The following CBX1 variants were observed in gnomAD, a reference collection of about 807,000 sequenced individuals.
CBX1 encodes chromobox 1, also known as chromobox protein homolog 1.
A neutral mutation model predicts 25.1 loss-of-function variants in CBX1; 10 were observed. That is an observed-to-expected ratio of 0.40 (90% CI 0.25 to 0.68). The LOEUF is 0.68. Ranked by LOEUF, CBX1 falls within the 30% of genes least tolerant of loss-of-function variation. The pLI is 0.40. For synonymous variants in CBX1, 63 were observed against 79.4 expected (o/e 0.79, Z 1.10); for missense variants, 106 against 218.5 (o/e 0.49, Z 3.25).
At chr17:48,091,173 G>A (rs7215582) in intron 1 of CBX1, among the ~76,000 whole-genome samples, 34,520 of 152,164 alleles carry the variant, frequency 0.23, 4,204 homozygotes, top group South Asian at 0.33. Context: ...AAAGAAACAT[G>A]GCCAGGTGGA....
intron 1 of CBX1, among the ~76,000 whole-genome samples, chr17:48,081,274 A>C (rs2037735666): frequency 6.6e-6 from 1 of 151,924 alleles, no homozygotes; most frequent in African/African-American, 2.4e-5. Flanking sequence ...CGAAAGGGTC[A>C]GCATAGCTTC....
chr17:48,074,231 T>C (rs1464103797), intron 4 of CBX1, among the ~76,000 whole-genome samples: 1 of 152,194 alleles, frequency 6.6e-6, no homozygotes, highest in Non-Finnish European at 1.5e-5. Context: ...TGTGTGTGTG[T>C]GTGTGTGTTT....
chr17:48,084,803 G>C (rs1320188399), intron 1 of CBX1, among the ~76,000 whole-genome samples: 1 of 149,878 alleles, frequency 6.7e-6, no homozygotes, highest in Non-Finnish European at 1.5e-5. Flanking sequence ...CCAGCTACTT[G>C]GGAGGCTGAG....
chr17:48,100,054 G>GC (rs1452200903), intron 1 of CBX1, among the ~76,000 whole-genome samples: 2 of 150,498 alleles, frequency 1.3e-5, no homozygotes, highest in Non-Finnish European at 3.0e-5. Context: ...CAAGAGAATC[G>GC]CATGAATCCG....
chr17:48,071,618 C>T, intron 4 of CBX1, 39 bp from the exon 5 acceptor site: 1 of 1,557,106 alleles, frequency 6.4e-7, no homozygotes, highest in Non-Finnish European at 8.7e-7. Context: ...AGACCAGGTG[C>T]TGGTGGTCTA....
intron 1 of CBX1, among the ~76,000 whole-genome samples, chr17:48,080,831 G>C (rs2037723066): frequency 7.0e-6 from 1 of 142,728 alleles, no homozygotes; most frequent in South Asian, 2.4e-4. Context: ...TGAGGCAGGA[G>C]AATTGCTTGA....
intron 1 of CBX1, among the ~76,000 whole-genome samples, chr17:48,094,623 A>T (rs1429314754): frequency 6.6e-6 from 1 of 151,580 alleles, no homozygotes; most frequent in Non-Finnish European, 1.5e-5. Flanking sequence ...CCAGCTACTC[A>T]AGAAGCTGAG....
intron 4 of CBX1, 24 bp from the exon 5 acceptor site, chr17:48,071,603 C>T (rs2037625336): frequency 6.4e-7 from 1 of 1,573,260 alleles, no homozygotes; most frequent in African/African-American, 1.4e-5. Context: ...CAAAGAGAGA[C>T]TTTGAGACCA....
At chr17:48,080,954 ATATATATATATATATATATATATATAT>A (rs2037730593) in intron 1 of CBX1, among the ~76,000 whole-genome samples, 1 of 18,526 alleles carries the variant, frequency 5.4e-5, no homozygotes, top group Admixed American at 7.3e-4. Context: ...AAAAAAAAAT[ATATATATATATATATATATATATATAT>A]ATATATATAT....
chr17:48,077,432 T>TG (rs1567764315), intron 1 of CBX1, among the ~76,000 whole-genome samples: 1 of 80,694 alleles, frequency 1.2e-5, no homozygotes, highest in African/African-American at 5.6e-5. Context: ...TAATTTTTGT[T>TG]GTTTTTTTTT....
chr17:48,098,819 G>T lies in CBX1; in HGVS notation c.-38+2449C>A, dbSNP rs190900571. On this transcript the variant is annotated intron_variant, in intron 1 of 4. Coordinates refer to ENST00000225603, the MANE Select transcript of CBX1 (RefSeq NM_001127228.2). ...ATGCAAAATCTCTTACACCACTGCA[G>T]ATAGGATTTTTTTTTAAAAAAGGGA... Among the ~76,000 whole-genome samples the T allele has an allele frequency of 6.0e-3, 917 of 152,300 alleles. 4 individuals are homozygous for T. Among genetic ancestry groups the T allele is most frequent in the Admixed American group, 8.9e-3 (136 of 15,286 alleles).
rs1352368522 is a variant in CBX1 at position 48,101,265 on chromosome 17, C to T, written c.-38+3G>A. ...GCTCTCCCGCCTCCAGCGGGCTCCT[C>T]ACCTCAGAGCAGCGCCCAAGAGCCC... On this transcript the variant is annotated splice_donor_region_variant and intron_variant, in intron 1 of 4. Transcript: ENST00000225603. 1.0e-6 allele frequency: 1 copy of T among 986,934 alleles called. No homozygotes were observed. The highest frequency in any genetic ancestry group is 1.1e-4 in the East Asian group (1 of 8,838). 61.1% of individuals were successfully genotyped at this position (986,934 alleles called of 1,614,324 possible).
intron 1 of CBX1, 97 bp downstream of exon 1, chr17:48,101,171 C>T (rs553896579): frequency 7.6e-5 from 75 of 987,350 alleles, no homozygotes; most frequent in Non-Finnish European, 8.2e-5. Flanking sequence ...CCGCTCCTAA[C>T]CTCCGCCTCG....
At position 48,076,110 on chromosome 17, in the gene CBX1, G is replaced by A. The variant is rs779462460; in HGVS notation, c.209C>T (p.Ser70Leu). 3.7e-6 allele frequency: 6 copies of A among 1,612,242 alleles called. No homozygotes were observed. The Admixed American group carries it at 6.7e-5, about 18-fold the overall frequency. The change falls in exon 3 of 5, where the codon TCA becomes TTA. Residue 70 changes from serine (S) to leucine (L), a missense_variant. This residue lies in a region of CBX1 where 71 missense variants were observed against 144.1 expected (regional missense o/e 0.49). Coordinates refer to ENST00000225603, the MANE Select transcript of CBX1 (RefSeq NM_001127228.2). ...CPDLIAEFLQSQKTAHETDKS... is the reference protein window; with the variant it reads ...CPDLIAEFLQLQKTAHETDKS... The stretch of plus-strand genomic sequence containing the variant: ...ATCTGTCTCATGTGCTGTTTTCTGT[G>A]ACTGCAGAAACTCAGCAATGAGGTC...
chr17:48,084,202 CTTTTTTTTTTTTT>C lies in CBX1; in HGVS notation c.-37-7174_-37-7162del, dbSNP rs869263376. On this transcript the variant is annotated intron_variant, in intron 1 of 4. Transcript: ENST00000225603. Reference sequence around the variant, plus strand: ...TGTTGTTCAGGCTTCTCTTTCTTTCCTTTTTTTTTTTTTTTTTTTTTTTTTTTGAGACGGAGTC... The same window carrying C: ...TGTTGTTCAGGCTTCTCTTTCTTTCCTTTTTTTTTTTTTTGAGACGGAGTC... Among the ~76,000 whole-genome samples, 593 of 61,448 alleles carry C rather than the reference CTTTTTTTTTTTTT, an allele frequency of 9.7e-3. 5 individuals carry two copies. Among genetic ancestry groups the C allele is most frequent in the Non-Finnish European group, 0.013 (474 of 37,774 alleles). The allele number at this position is 61,448 out of a possible 152,430, so 40.3% of individuals were successfully genotyped here. A position where few individuals can be genotyped will look rare whatever the true frequency, so the allele number is the denominator to read the frequency against.
intron 1 of CBX1, among the ~76,000 whole-genome samples, chr17:48,081,450 T>G (rs911208764): frequency 1.3e-5 from 2 of 152,190 alleles, no homozygotes; most frequent in Admixed American, 1.3e-4. Context: ...CTCACTTTTA[T>G]TTTTTGAGAC....
chr17:48,091,530 A>G (rs7221720), intron 1 of CBX1, among the ~76,000 whole-genome samples: 22,671 of 135,532 alleles, frequency 0.17, 2,465 homozygotes, highest in African/African-American at 0.32. Context: ...GCCCGCCACC[A>G]TGCCCTTTTT....
intron 1 of CBX1, among the ~76,000 whole-genome samples, chr17:48,090,620 A>C (rs1361154667): frequency 1.3e-5 from 2 of 152,160 alleles, no homozygotes; most frequent in Non-Finnish European, 2.9e-5. Context: ...ATGAAAATCT[A>C]TCTCTTCACA....
intron 1 of CBX1, among the ~76,000 whole-genome samples, chr17:48,093,171 G>A (rs2063354107): frequency 6.7e-6 from 1 of 149,978 alleles, no homozygotes. Context: ...CTACTTGGGA[G>A]GCTAAAGCAG....
Sources: gnomAD v4.1 joint callset for allele counts (sites outside exome capture counted in the v4.1 genomes callset) on GRCh38, gnomAD v4.1.1 for gene constraint, gnomAD v4.1.1 regional missense constraint, MANE v1.5 for transcripts, NCBI Gene and HGNC (gene_info 2026-07-23, HGNC 2026-07-21) for gene names.